The following WNK2 variants were observed in gnomAD, a reference collection of about 807,000 sequenced individuals.
WNK2 encodes the protein serine/threonine-protein kinase WNK2.
In WNK2, 67 loss-of-function variants were observed where a neutral mutation model predicts 192.1. The ratio of observed to expected loss-of-function variants is 0.35; its 90% CI spans 0.29 to 0.43. WNK2 has a LOEUF of 0.43. WNK2 is among the 20% of genes least tolerant of loss of function. The pLI, the probability that WNK2 is intolerant of heterozygous loss-of-function variation, is 1.00. For missense variants in WNK2, 2,698 were observed against 3,089.7 expected (o/e 0.87, Z 3.01); for synonymous variants, 1,439 against 1,393.9 (o/e 1.03, Z -0.72).
chr9:93,225,413 C>G (rs753550473), intron 2 of WNK2, among the ~76,000 whole-genome samples: 4 of 152,134 alleles, frequency 2.6e-5, no homozygotes, highest in Non-Finnish European at 5.9e-5. Flanking sequence ...GTAAAAATTA[C>G]CAAGCAATGT....
In WNK2 at chr9:93,185,030, C is replaced by A; in HGVS notation, c.101C>A (p.Ala34Glu). Residue 34 changes from alanine (A) to glutamate (E), a missense_variant, in exon 2 of 30, where the codon GCG (alanine) becomes GAG (glutamate). By Grantham distance (107) the Ala-to-Glu change is moderately radical. Coordinates refer to ENST00000427277, the MANE Select transcript of WNK2 (RefSeq NM_006648.4). The part of the protein sequence containing the change: ...AGMAEPRAKA[A>E]RPGPQRFLRR... ...ATGGCGGAGCCTCGGGCGAAGGCGG[C>A]GCGGCCGGGGCCCCAGCGCTTTCTG... 1.6e-6 allele frequency: 2 copies of A among 1,259,352 alleles called. No homozygotes were observed. The highest frequency in any genetic ancestry group is 9.9e-7 in the Non-Finnish European group (1 of 1,005,370). The allele number at this position is 1,259,352 out of a possible 1,614,324, so 78.0% of individuals were successfully genotyped here.
chr9:93,260,879 G>T (rs1588259617), intron 12 of WNK2, among the ~76,000 whole-genome samples: 1 of 152,206 alleles, frequency 6.6e-6, no homozygotes, highest in Admixed American at 6.5e-5. Context: ...GCAGGAGGGG[G>T]ACCTTGCTGT....
chr9:93,299,253 G>T lies in WNK2; in HGVS notation c.6107G>T (p.Arg2036Leu), dbSNP rs776503070. 6.4e-7 allele frequency: 1 copy of T among 1,561,992 alleles called. No individual in the cohort carries two copies. Among genetic ancestry groups the T allele is most frequent in the East Asian group, 2.3e-5 (1 of 43,832 alleles). ...SGLASDGGGA[R>L]GQGWTVYHPT... ...TTAGCCAGTGATGGAGGCGGAGCGC[G>T]TGGCCAAGGTGATTTCCAGCTTGCC... Residue 2036 changes from arginine (R) to leucine (L), a missense_variant, in exon 25 of 30, where the codon CGT (arginine) becomes CTT (leucine). Around this residue, in one of 7 missense-constraint regions of WNK2, gnomAD observed 1,098 missense variants for 1,101.0 expected, o/e 1.00. Transcript: ENST00000427277.
In WNK2 at chr9:93,187,486, C is replaced by A. The variant is rs532710822; in HGVS notation, c.681+1876C>A. Among the ~76,000 whole-genome samples, 105 of 152,244 alleles carry A rather than the reference C, an allele frequency of 6.9e-4. 1 individual carries two copies. In the South Asian group the frequency reaches 0.021, roughly 30 times the overall value. Reference sequence around the variant, plus strand: ...AGTACCTCCAACATTTGTCCCTAGTCGATGTGTGTCATTTGGGATCAGCTC... The same window carrying A: ...AGTACCTCCAACATTTGTCCCTAGTAGATGTGTGTCATTTGGGATCAGCTC... On this transcript the variant is annotated intron_variant, in intron 2 of 29. Transcript: ENST00000427277.
rs758361350 is a variant in WNK2, at chr9:93,299,320, T to C, written c.6115+59T>C. 1.4e-4 allele frequency: 211 copies of C among 1,511,486 alleles called. 2 individuals are homozygous for C. In the Middle Eastern group the frequency reaches 0.011, roughly 82 times the overall value. 93.6% of individuals were successfully genotyped at this position (1,511,486 alleles called of 1,614,324 possible). A position where few individuals can be genotyped will look rare whatever the true frequency, so the allele number is the denominator to read the frequency against. On this transcript the variant is annotated intron_variant, in intron 25 of 29. Transcript: ENST00000427277. ...CTAGCCACGTAGGGCCTCAGTGGTG[T>C]CCCCAGGAGCACGCCCGTGTTGTGT...
Position 93,289,166 on chromosome 9 carries a change from C to A in WNK2, c.4412C>A (p.Pro1471Gln). ...GCCTCAACCAGGGACGCCAGTGCCC[C>A]AAGGGAGCCCCTGCCACCTCCTGCA... ...EAASTRDASA[P>Q]REPLPPPAPE... Residue 1471 changes from proline (P) to glutamine (Q), a missense_variant, in exon 20 of 30, where the codon CCA becomes CAA. Pro to Gln is a moderately conservative substitution (Grantham distance 76). This residue lies in a region of WNK2 where 1,098 missense variants were observed against 1,101.0 expected (regional missense o/e 1.00). Transcript: ENST00000427277. 6.2e-7 allele frequency: 1 copy of A among 1,600,510 alleles called. No individual in the cohort carries two copies. The highest frequency in any genetic ancestry group is 8.5e-7 in the Non-Finnish European group (1 of 1,174,788).
At chr9:93,288,205 A>G (rs948011203) in intron 19 of WNK2, among the ~76,000 whole-genome samples, 1 of 152,136 alleles carries the variant, frequency 6.6e-6, no homozygotes. Flanking sequence ...AGACTTGGTT[A>G]TACTGCTGGG....
At chr9:93,268,938 A>C in intron 19 of WNK2, 192 bp downstream of exon 19, 1 of 1,553,516 alleles carries the variant, frequency 6.4e-7, no homozygotes, top group Non-Finnish European at 8.7e-7. Flanking sequence ...AGCTCAGTCA[A>C]AGCAGCCTCC....
At chr9:93,263,450 G>C in intron 14 of WNK2, 116 bp from the exon 15 acceptor site, 2 of 1,337,370 alleles carry the variant, frequency 1.5e-6, no homozygotes, top group Non-Finnish European at 2.1e-6. Context: ...TGCCTCTGTA[G>C]GTCACAGATT....
At chr9:93,184,900 C>G in intron 1 of WNK2, 28 bp from the exon 2 acceptor site, 1 of 1,188,062 alleles carries the variant, frequency 8.4e-7, no homozygotes, top group African/African-American at 1.6e-5. Flanking sequence ...CCGGCGCTCA[C>G]GCGGGCCTGT....
At chr9:93,285,244 T>G (rs1460861353) in intron 19 of WNK2, among the ~76,000 whole-genome samples, 1 of 152,208 alleles carries the variant, frequency 6.6e-6, no homozygotes, top group African/African-American at 2.4e-5. Context: ...ATTTTATCAT[T>G]TTGCCTCAAT....
intron 3 of WNK2, among the ~76,000 whole-genome samples, chr9:93,230,621 A>T (rs548842711): frequency 4.8e-4 from 73 of 152,312 alleles, no homozygotes; most frequent in African/African-American, 1.5e-3. Context: ...TGAGGTCAAG[A>T]TGGAGCTTAG....
At chr9:93,243,563 G>T (rs1841146020) in intron 7 of WNK2, among the ~76,000 whole-genome samples, 1 of 152,180 alleles carries the variant, frequency 6.6e-6, no homozygotes, top group South Asian at 2.1e-4. Flanking sequence ...CTCAGCTAAA[G>T]CACAACAATA....
Position 93,247,952 on chromosome 9 carries a change from G to A in WNK2, c.1834+118G>A, listed in dbSNP as rs1842014161. ...TTTATTGGAATGCTTTGTGAGGAAG[G>A]GGGTCCGCATGGCATCCCCTCGGAG... On this transcript the variant is annotated intron_variant, in intron 8 of 29. Coordinates refer to ENST00000427277, the MANE Select transcript of WNK2 (RefSeq NM_006648.4). This position sits in a 1 kb window ranked among gnomAD's most constrained non-coding sequence, Gnocchi z 5.2. 1.5e-5 allele frequency: 17 copies of A among 1,160,872 alleles called. No individual in the cohort carries two copies. The highest frequency in any genetic ancestry group is 1.9e-5 in the Non-Finnish European group (16 of 836,450). 71.9% of individuals were successfully genotyped at this position (1,160,872 alleles called of 1,614,324 possible).
At position 93,297,612 on chromosome 9, in the gene WNK2, C is replaced by A. The variant is rs576175376; in HGVS notation, c.5709-241C>A. ...AAGTTTGAGGCTTCTTAGCCTGGCC[C>A]GTGCTGTTGGGCACGTCGATGCCAG... On this transcript the variant is annotated intron_variant, in intron 23 of 29. Transcript: ENST00000427277. Among the ~76,000 whole-genome samples the A allele has an allele frequency of 7.2e-5, 11 of 152,332 alleles. No individual in the cohort carries two copies. The South Asian group carries it at 8.3e-4, about 11-fold the overall frequency.
At chr9:93,197,636 C>G (rs1831509243) in intron 2 of WNK2, among the ~76,000 whole-genome samples, 1 of 152,140 alleles carries the variant, frequency 6.6e-6, no homozygotes, top group Non-Finnish European at 1.5e-5. Flanking sequence ...ATTCTCCTGC[C>G]TCAGCCTCCC....
chr9:93,186,646 A>T (rs961455432), intron 2 of WNK2, among the ~76,000 whole-genome samples: 10 of 152,098 alleles, frequency 6.6e-5, no homozygotes, highest in African/African-American at 2.4e-4. Context: ...ACACTGCGGG[A>T]CTCTTGCATT....
chr9:93,308,497 G>A lies in WNK2; in HGVS notation c.6429G>A (p.Lys2143=), dbSNP rs1853025335. ...AGACGGTGGGGGCCGCGCAGCTGAAGCCCACGCTCAACCAGCTGAAGCAGA... is the reference window on the plus strand; with the variant it reads ...AGACGGTGGGGGCCGCGCAGCTGAAACCCACGCTCAACCAGCTGAAGCAGA... ...TSKTVGAAQL[K]PTLNQLKQTQ... The change falls in exon 28 of 30, where the codon AAG becomes AAA. Residue 2143 remains lysine (K), a synonymous_variant. Coordinates refer to ENST00000427277, the MANE Select transcript of WNK2 (RefSeq NM_006648.4). 1 of 1,607,852 alleles carries A rather than the reference G, an allele frequency of 6.2e-7. No individual in the cohort carries two copies. The highest frequency in any genetic ancestry group is 1.1e-5 in the South Asian group (1 of 89,378).
At chr9:93,312,447 T>A (rs1853828601) in intron 28 of WNK2, among the ~76,000 whole-genome samples, 1 of 152,146 alleles carries the variant, frequency 6.6e-6, no homozygotes, top group East Asian at 1.9e-4. Flanking sequence ...TGATCTCAGC[T>A]CACCGCAACC....
Sources: gnomAD v4.1 joint callset for allele counts (sites outside exome capture counted in the v4.1 genomes callset) on GRCh38, gnomAD v4.1.1 for gene constraint, gnomAD v4.1.1 regional missense constraint, Gnocchi (gnomAD v3.1) non-coding constraint, MANE v1.5 for transcripts, NCBI Gene and HGNC (gene_info 2026-07-23, HGNC 2026-07-21) for gene names.